PDE10A: variants seen among roughly 807,000 people sequenced by gnomAD.
PDE10A encodes the protein phosphodiesterase 10A, also known as cAMP and cAMP-inhibited cGMP 3',5'-cyclic phosphodiesterase 10A.
Under a neutral mutation model 97.7 loss-of-function variants are expected in PDE10A, and 39 were observed. The observed-to-expected ratio is 0.40, with a 90% confidence interval of 0.31 to 0.52. The LOEUF (loss-of-function observed/expected upper bound fraction) is 0.52, where lower values mean the gene tolerates loss of function less well. Ranked by LOEUF, PDE10A falls within the 20% of genes least tolerant of loss-of-function variation. The probability of loss-of-function intolerance (pLI) is 0.56; values close to 1 mark genes in which losing one functional copy is unlikely to be tolerated. For missense variants in PDE10A, 731 were observed against 1,047.8 expected, an observed-to-expected ratio of 0.70 and a Z score of 4.17; for synonymous variants, 371 against 376.8, an observed-to-expected ratio of 0.98 and a Z score of 0.18.
intron 1 of PDE10A, among the ~76,000 whole-genome samples, chr6:165,869,778 C>T (rs1280834416): frequency 2.0e-5 from 3 of 152,050 alleles, no homozygotes; most frequent in African/African-American, 7.2e-5. Context: ...AATAGAGAAT[C>T]AGAAACAAAT....
intron 1 of PDE10A, among the ~76,000 whole-genome samples, chr6:165,740,888 G>A (rs1490880596): frequency 6.6e-6 from 1 of 152,170 alleles, no homozygotes; most frequent in African/African-American, 2.4e-5. Flanking sequence ...AGAAGATGGG[G>A]AGATGTTGGT....
intron 18 of PDE10A, among the ~76,000 whole-genome samples, chr6:165,351,679 T>C (rs1302388256): frequency 1.3e-5 from 2 of 152,190 alleles, no homozygotes; most frequent in Non-Finnish European, 2.9e-5. Context: ...GCAACAAGGA[T>C]GGTATGCCAC....
At chr6:165,758,208 T>C (rs1213216100) in intron 1 of PDE10A, among the ~76,000 whole-genome samples, 1 of 152,212 alleles carries the variant, frequency 6.6e-6, no homozygotes, top group Admixed American at 6.5e-5. Flanking sequence ...GGCTCATGCC[T>C]GTAATCCCAG....
chr6:165,423,066 AG>A (rs1466288493), intron 10 of PDE10A, among the ~76,000 whole-genome samples: 1 of 152,190 alleles, frequency 6.6e-6, no homozygotes, highest in Non-Finnish European at 1.5e-5. Context: ...GACAGCTGTC[AG>A]GGCTATTGCT....
At chr6:165,353,159 A>G (rs1782808262) in intron 18 of PDE10A, among the ~76,000 whole-genome samples, 1 of 152,204 alleles carries the variant, frequency 6.6e-6, no homozygotes. Context: ...CATCTATTAG[A>G]AAGGCCAAGA....
At chr6:165,378,343 G>GT (rs1784740891) in intron 18 of PDE10A, among the ~76,000 whole-genome samples, 1 of 152,158 alleles carries the variant, frequency 6.6e-6, no homozygotes, top group Non-Finnish European at 1.5e-5. Context: ...CAAAGAAGCA[G>GT]TAAGTAAGTG....
At chr6:165,462,073 G>C (rs1308467415) in intron 3 of PDE10A, among the ~76,000 whole-genome samples, 1 of 152,126 alleles carries the variant, frequency 6.6e-6, no homozygotes, top group Non-Finnish European at 1.5e-5. Context: ...GCAGTGTTTT[G>C]CAGTGATGGG....
intron 1 of PDE10A, among the ~76,000 whole-genome samples, chr6:165,933,935 G>GAGCT (rs535382434): frequency 6.2e-4 from 95 of 152,020 alleles, no homozygotes; most frequent in African/African-American, 2.2e-3. Flanking sequence ...CATAAATTCT[G>GAGCT]GGACAAAAGC....
intron 1 of PDE10A, among the ~76,000 whole-genome samples, chr6:165,906,731 G>C (rs1267606514): frequency 6.6e-6 from 1 of 152,160 alleles, no homozygotes; most frequent in Non-Finnish European, 1.5e-5. Context: ...AGGTGCTTAG[G>C]GAAGAGAACA....
chr6:165,434,708 C>T (rs220822), intron 6 of PDE10A, among the ~76,000 whole-genome samples: 1 of 151,960 alleles, frequency 6.6e-6, no homozygotes, highest in African/African-American at 2.4e-5. Context: ...TTACTGGAAG[C>T]GGGTGAGAGA....
At chr6:165,760,769 A>T (rs1793229843) in intron 1 of PDE10A, among the ~76,000 whole-genome samples, 1 of 152,182 alleles carries the variant, frequency 6.6e-6, no homozygotes, top group Non-Finnish European at 1.5e-5. Flanking sequence ...GAGAAAATCG[A>T]GTTCATAGAA....
At chr6:165,870,248 A>C (rs1198020480) in intron 1 of PDE10A, among the ~76,000 whole-genome samples, 4 of 152,176 alleles carry the variant, frequency 2.6e-5, no homozygotes, top group Non-Finnish European at 5.9e-5. Context: ...CAAACAACTT[A>C]ACAGCAAGTA....
chr6:165,806,042 TAAAAAAAAA>T (rs67104260), intron 1 of PDE10A, among the ~76,000 whole-genome samples: 11 of 73,116 alleles, frequency 1.5e-4, no homozygotes, highest in African/African-American at 6.1e-4. Flanking sequence ...GCTTGATTAT[TAAAAAAAAA>T]AAAAAAAAAA....
chr6:165,431,499 ATAAG>A (rs772425088), intron 7 of PDE10A, 27 bp from the exon 8 acceptor site: 11 of 1,313,340 alleles, frequency 8.4e-6, no homozygotes, highest in Admixed American at 1.7e-5. Flanking sequence ...ATACATACCT[ATAAG>A]TAATAATACA....
chr6:165,759,809 C>T (rs9459501), intron 1 of PDE10A, among the ~76,000 whole-genome samples: 3 of 152,066 alleles, frequency 2.0e-5, no homozygotes, highest in African/African-American at 7.3e-5. Context: ...GGCATTTGGG[C>T]TCCTGGCCTA....
chr6:165,969,295 C>T (rs1283417113), intron 1 of PDE10A, among the ~76,000 whole-genome samples: 1 of 152,058 alleles, frequency 6.6e-6, no homozygotes, highest in Non-Finnish European at 1.5e-5. Flanking sequence ...AGCAGCTCTG[C>T]CAAAGATAGA....
At chr6:165,718,725 G>A (rs950308026) in intron 1 of PDE10A, among the ~76,000 whole-genome samples, 4 of 152,032 alleles carry the variant, frequency 2.6e-5, no homozygotes, top group African/African-American at 9.7e-5. Context: ...AGTTATTGAA[G>A]TTTAGGGAGT....
chr6:165,941,635 C>A (rs916724649), intron 1 of PDE10A, among the ~76,000 whole-genome samples: 1 of 152,188 alleles, frequency 6.6e-6, no homozygotes, highest in Non-Finnish European at 1.5e-5. Flanking sequence ...CTCCCTCCCC[C>A]ACTCTCCCTT....
intron 1 of PDE10A, among the ~76,000 whole-genome samples, chr6:165,810,077 G>C (rs1779237981): frequency 6.6e-6 from 1 of 152,148 alleles, no homozygotes; most frequent in Non-Finnish European, 1.5e-5. Flanking sequence ...CCGCCCCAAA[G>C]ATGAGGATTT....
Sources: allele counts gnomAD v4.1 joint callset (sites outside exome capture counted in the v4.1 genomes callset), GRCh38; gene constraint gnomAD v4.1.1; transcripts MANE v1.5; gene names NCBI Gene and HGNC (gene_info 2026-07-23, HGNC 2026-07-21).